Variants in STAG1 observed in about 807,000 individuals in gnomAD.
STAG1 encodes cohesin subunit SA-1.
A neutral mutation model predicts 170.9 loss-of-function variants in STAG1; 26 were observed. The ratio of observed to expected loss-of-function variants is 0.15; its 90% CI spans 0.11 to 0.21. The LOEUF (loss-of-function observed/expected upper bound fraction) is 0.21, where lower values mean the gene tolerates loss of function less well. Ranked by LOEUF, STAG1 falls within the 10% of genes least tolerant of loss-of-function variation. The probability of loss-of-function intolerance (pLI) is 1.00; values close to 1 mark genes in which losing one functional copy is unlikely to be tolerated. For missense variants in STAG1, 964 were observed against 1,509.5 expected (o/e 0.64, Z 5.99); for synonymous variants, 514 against 497.7 (o/e 1.03, Z -0.44).
At chr3:136,419,005 TAA>T (rs1331936114) in intron 20 of STAG1, among the ~76,000 whole-genome samples, 1 of 152,180 alleles carries the variant, frequency 6.6e-6, no homozygotes, top group Non-Finnish European at 1.5e-5. Context: ...TGTGTATTTT[TAA>T]AAGAGATTTG....
intron 7 of STAG1, among the ~76,000 whole-genome samples, chr3:136,519,761 T>TA (rs2107902594): frequency 6.6e-6 from 1 of 152,200 alleles, no homozygotes; most frequent in South Asian, 2.1e-4. Context: ...AGTAACTTTT[T>TA]AAAAAAGATA....
chr3:136,432,518 G>GTT (rs60461509), intron 16 of STAG1, among the ~76,000 whole-genome samples: 81 of 100,306 alleles, frequency 8.1e-4, no homozygotes, highest in Non-Finnish European at 6.2e-4. Flanking sequence ...TTTTTTTGGG[G>GTT]GGGGGGGGGC....
intron 1 of STAG1, chr3:136,721,321 T>G (rs1933249343): frequency 6.6e-6 from 1 of 152,200 alleles, no homozygotes; most frequent in South Asian, 2.1e-4. Flanking sequence ...ATAGTTCAAT[T>G]TGGAACTAAG....
chr3:136,535,318 T>C (rs1205066595), intron 6 of STAG1, among the ~76,000 whole-genome samples: 2 of 152,194 alleles, frequency 1.3e-5, no homozygotes, highest in East Asian at 1.9e-4. Context: ...TAATGTTCGA[T>C]AGCAGGCTTG....
intron 15 of STAG1, among the ~76,000 whole-genome samples, chr3:136,440,942 C>G (rs1168529149): frequency 6.6e-6 from 1 of 151,574 alleles, no homozygotes; most frequent in Admixed American, 6.6e-5. Flanking sequence ...TTCCTGTGAT[C>G]ACAAAAGTGA....
At chr3:136,611,658 CTTTTTT>C (rs760493827) in intron 3 of STAG1, among the ~76,000 whole-genome samples, 3 of 72,568 alleles carry the variant, frequency 4.1e-5, no homozygotes, top group African/African-American at 5.9e-5. Flanking sequence ...CCACACCCAG[CTTTTTT>C]TTTTTTTTTT....
intron 22 of STAG1, among the ~76,000 whole-genome samples, chr3:136,382,674 G>A (rs905568035): frequency 6.6e-6 from 1 of 152,020 alleles, no homozygotes; most frequent in African/African-American, 2.4e-5. Flanking sequence ...GCCTCCCAAA[G>A]TGCTGGGATT....
chr3:136,542,927 A>AG (rs1576588705), intron 5 of STAG1, among the ~76,000 whole-genome samples: 1 of 152,166 alleles, frequency 6.6e-6, no homozygotes, highest in East Asian at 1.9e-4. Context: ...GTTTACATGC[A>AG]GGCAGACTGG....
intron 9 of STAG1, among the ~76,000 whole-genome samples, chr3:136,477,688 T>A (rs906398363): frequency 1.2e-4 from 18 of 152,170 alleles, no homozygotes; most frequent in African/African-American, 4.3e-4. Context: ...TCTGAGAGCC[T>A]CACAACTATT....
intron 1 of STAG1, among the ~76,000 whole-genome samples, chr3:136,674,235 T>G (rs1339943913): frequency 6.9e-6 from 1 of 144,888 alleles, no homozygotes; most frequent in Non-Finnish European, 1.5e-5. Flanking sequence ...AGCCCAAAAT[T>G]GATAACAACC....
intron 22 of STAG1, 27 bp downstream of exon 22, chr3:136,398,722 C>G (rs2087238089): frequency 6.8e-7 from 1 of 1,472,758 alleles, no homozygotes; most frequent in South Asian, 1.2e-5. Context: ...AGTAATAACC[C>G]TTCTGCCTAC....
intron 4 of STAG1, among the ~76,000 whole-genome samples, chr3:136,593,143 A>G (rs961055850): frequency 6.6e-6 from 1 of 152,278 alleles, no homozygotes; most frequent in African/African-American, 2.4e-5. Context: ...AGGTATGCTC[A>G]CTAAAGTTCA....
In STAG1 at chr3:136,559,165, A is replaced by ATC. The variant is rs1334878528; in HGVS notation, c.394+9599_394+9600insGA. ...TCTATCTATCTATCTATCTATCTAT[A>ATC]TACGTACACACTGTACAGGTGAGGA... On this transcript the variant is annotated intron_variant, in intron 5 of 33. Coordinates refer to ENST00000383202, the MANE Select transcript of STAG1 (RefSeq NM_005862.3). Among the ~76,000 whole-genome samples the ATC allele has an allele frequency of 3.2e-3, 352 of 108,524 alleles. 1 individual carries two copies. The highest frequency in any genetic ancestry group is 5.3e-3 in the South Asian group (16 of 3,012). 71.2% of individuals were successfully genotyped at this position (108,524 alleles called of 152,430 possible).
At chr3:136,567,482 C>T (rs1937126262) in intron 5 of STAG1, among the ~76,000 whole-genome samples, 1 of 152,182 alleles carries the variant, frequency 6.6e-6, no homozygotes. Context: ...TCCTTTTACT[C>T]ATCTTTAATC....
intron 1 of STAG1, among the ~76,000 whole-genome samples, chr3:136,746,537 T>C (rs1239053799): frequency 6.6e-6 from 1 of 152,228 alleles, no homozygotes; most frequent in Non-Finnish European, 1.5e-5. Flanking sequence ...TAACCTGTCT[T>C]AATTGCCTCT....
Position 136,338,242 on chromosome 3 carries a change from T to TTTC in STAG1, c.*9_*11dup, listed in dbSNP as rs1935781871. 2 of 1,593,722 alleles carry TTTC rather than the reference T, an allele frequency of 1.3e-6. No individual in the cohort carries two copies. The highest frequency in any genetic ancestry group is 1.7e-6 in the Non-Finnish European group (2 of 1,163,768). On this transcript the variant is annotated 3_prime_UTR_variant, in exon 34 of 34. Coordinates refer to ENST00000383202, the MANE Select transcript of STAG1 (RefSeq NM_005862.3). ...ATAATAGAGTTCCAGATTTGTAAAT[T>TTTC]TTCTTCAGACTTCAGAACATAGGCA... is the stretch of plus-strand genomic sequence containing the variant.
chr3:136,705,422 CACAA>C (rs889219245), intron 1 of STAG1, among the ~76,000 whole-genome samples: 2 of 124,336 alleles, frequency 1.6e-5, no homozygotes, highest in African/African-American at 6.5e-5. Context: ...CACACACACA[CACAA>C]CGAAGTTCAA....
At chr3:136,718,625 A>G (rs944461614) in intron 1 of STAG1, among the ~76,000 whole-genome samples, 14 of 152,222 alleles carry the variant, frequency 9.2e-5, no homozygotes, top group African/African-American at 3.4e-4. Context: ...TATCTTAAAT[A>G]TTCAGATAAA....
At chr3:136,476,389 C>G (rs1014901766) in intron 10 of STAG1, among the ~76,000 whole-genome samples, 3 of 152,086 alleles carry the variant, frequency 2.0e-5, no homozygotes, top group African/African-American at 4.8e-5. Context: ...GGTGGGAACA[C>G]AATAATTGCA....
Sources: allele counts gnomAD v4.1 joint callset (sites outside exome capture counted in the v4.1 genomes callset), GRCh38; gene constraint gnomAD v4.1.1; transcripts MANE v1.5; gene names NCBI Gene and HGNC (gene_info 2026-07-23, HGNC 2026-07-21).